Variants in ASAP2 observed in about 807,000 individuals in gnomAD.
ASAP2 encodes the protein arf-GAP with SH3 domain, ANK repeat and PH domain-containing protein 2.
Under a neutral mutation model 131.4 loss-of-function variants are expected in ASAP2, and 45 were observed. The observed-to-expected ratio is 0.34, with a 90% CI of 0.27 to 0.44. The LOEUF is 0.44. Among genes scored for constraint, ASAP2 ranks in the 20% least tolerant of loss-of-function variants. The pLI is 1.00. For synonymous variants in ASAP2, 510 were observed against 503.0 expected (o/e 1.01, Z -0.19); for missense variants, 1,011 against 1,297.0 (o/e 0.78, Z 3.39).
intron 16 of ASAP2, 92 bp from the exon 17 acceptor site, chr2:9,374,663 G>A (rs951577746): frequency 1.4e-5 from 18 of 1,261,106 alleles, no homozygotes; most frequent in African/African-American, 3.0e-5. Context: ...GGGACATGGC[G>A]CAGGAACCGT....
intron 2 of ASAP2, among the ~76,000 whole-genome samples, chr2:9,279,887 C>CATACATATTTTTTACAT (rs1349549597): frequency 6.6e-6 from 1 of 151,942 alleles, no homozygotes; most frequent in African/African-American, 2.4e-5. Flanking sequence ...TATATTTACA[C>CATACATATTTTTTACAT]ATATATATTT....
chr2:9,362,109 T>C (rs573339110), intron 15 of ASAP2, among the ~76,000 whole-genome samples: 19 of 152,238 alleles, frequency 1.2e-4, no homozygotes, highest in African/African-American at 4.3e-4. Context: ...ATGGTCCCCA[T>C]GTGCTAGCAT....
At chr2:9,255,232 T>G (rs974549687) in intron 1 of ASAP2, among the ~76,000 whole-genome samples, 1 of 152,226 alleles carries the variant, frequency 6.6e-6, no homozygotes, top group African/African-American at 2.4e-5. Context: ...ACCATGTAAG[T>G]TGGTTCTCAG....
intron 1 of ASAP2, among the ~76,000 whole-genome samples, chr2:9,272,015 A>G (rs898063499): frequency 6.6e-6 from 1 of 152,128 alleles, no homozygotes; most frequent in African/African-American, 2.4e-5. Context: ...TGCTGCAGTA[A>G]ACACGGGAGA....
chr2:9,251,560 C>T (rs966955890), intron 1 of ASAP2, among the ~76,000 whole-genome samples: 6 of 152,188 alleles, frequency 3.9e-5, no homozygotes, highest in African/African-American at 9.7e-5. Context: ...TTTACTAAAA[C>T]GCATTACCTC....
At chr2:9,377,300 G>A (rs952250758) in intron 18 of ASAP2, among the ~76,000 whole-genome samples, 9 of 152,184 alleles carry the variant, frequency 5.9e-5, no homozygotes, top group South Asian at 2.1e-4. Context: ...CACAGGGGCC[G>A]TCCTCGCCTC....
intron 17 of ASAP2, among the ~76,000 whole-genome samples, chr2:9,376,435 A>C (rs1404331229): frequency 6.6e-6 from 1 of 152,266 alleles, no homozygotes; most frequent in Non-Finnish European, 1.5e-5. Context: ...TGAGTTGGAG[A>C]CAGTGCAGTT....
At chr2:9,307,805 A>G (rs1669042822) in intron 3 of ASAP2, among the ~76,000 whole-genome samples, 1 of 152,154 alleles carries the variant, frequency 6.6e-6, no homozygotes, top group South Asian at 2.1e-4. Flanking sequence ...AGTTTGTGTT[A>G]AACACTTAGG....
At chr2:9,356,420 T>C (rs1572535054) in intron 14 of ASAP2, 75 bp downstream of exon 14, 6 of 1,441,274 alleles carry the variant, frequency 4.2e-6, no homozygotes, top group Middle Eastern at 1.9e-4. Context: ...ATCCGTTCAT[T>C]GATTTTCACT....
In ASAP2 at chr2:9,356,248, T is replaced by A. The variant is rs1322434836; in HGVS notation, c.1230T>A (p.Thr410=). 6.2e-7 allele frequency: 1 copy of A among 1,614,086 alleles called. No individual in the cohort carries two copies. Among genetic ancestry groups the A allele is most frequent in the Non-Finnish European group, 8.5e-7 (1 of 1,179,998 alleles). Residue 410 remains threonine, a synonymous_variant, in exon 14 of 28, where the codon ACT becomes ACA. Transcript: ENST00000281419. ...LNNAFKGDDN[T]GENNIVQELT... ...ATGCATTTAAGGGGGATGACAATAC[T>A]GGAGAAAATAACATCGTCCAAGAAC...
At chr2:9,250,457 GC>G (rs544431032) in intron 1 of ASAP2, among the ~76,000 whole-genome samples, 21 of 152,280 alleles carry the variant, frequency 1.4e-4, no homozygotes, top group Non-Finnish European at 2.6e-4. Context: ...CAGACATGTG[GC>G]CCTTGGGTGG....
At chr2:9,246,803 A>G (rs1225890989) in intron 1 of ASAP2, among the ~76,000 whole-genome samples, 2 of 151,988 alleles carry the variant, frequency 1.3e-5, no homozygotes, top group Admixed American at 6.6e-5. Context: ...CCTGGCTTCT[A>G]CACAAGCCTG....
intron 15 of ASAP2, 63 bp downstream of exon 15, chr2:9,358,952 T>G: frequency 6.5e-7 from 1 of 1,545,416 alleles, no homozygotes; most frequent in Non-Finnish European, 8.8e-7. Flanking sequence ...ATTTTACTTT[T>G]GGCATTCTAA....
chr2:9,400,067 G>A lies in ASAP2; in HGVS notation c.2729G>A (p.Gly910Glu). The part of the protein sequence containing the change: ...TPLTNKGQPR[G>E]PVDLSATEAL... Reference sequence around the variant, plus strand: ...CTGACCAACAAAGGCCAACCGAGAGGACCTGGTAATTATTTAATTTGGGAC... The same window carrying A: ...CTGACCAACAAAGGCCAACCGAGAGAACCTGGTAATTATTTAATTTGGGAC... The change falls in exon 25 of 28, where the codon GGA becomes GAA. Residue 910 changes from glycine (G) to glutamate (E), a missense_variant. Gly to Glu is a moderately conservative substitution (Grantham distance 98). This residue lies in a region of ASAP2 where 652 missense variants were observed against 698.9 expected (regional missense o/e 0.93). Coordinates refer to ENST00000281419, the MANE Select transcript of ASAP2 (RefSeq NM_003887.3). The A allele has an allele frequency of 6.2e-7, 1 of 1,613,268 alleles. No homozygotes were observed. Among genetic ancestry groups the A allele is most frequent in the Non-Finnish European group, 8.5e-7 (1 of 1,179,658 alleles).
chr2:9,307,333 G>C (rs1190893468), intron 3 of ASAP2, among the ~76,000 whole-genome samples: 5 of 152,228 alleles, frequency 3.3e-5, no homozygotes, highest in African/African-American at 1.2e-4. Flanking sequence ...CAGTGCTTCC[G>C]ACTCTCACCC....
chr2:9,374,460 G>A (rs1674228464), intron 16 of ASAP2, among the ~76,000 whole-genome samples: 1 of 152,204 alleles, frequency 6.6e-6, no homozygotes, highest in South Asian at 2.1e-4. Context: ...GGTGACGAGG[G>A]CGACAGTGAG....
At chr2:9,225,626 G>A (rs568574459) in intron 1 of ASAP2, among the ~76,000 whole-genome samples, 55 of 152,226 alleles carry the variant, frequency 3.6e-4, no homozygotes, top group South Asian at 1.9e-3. Flanking sequence ...GGGCTTTTGC[G>A]TAGGGGAGTG....
chr2:9,279,356 A>T lies in ASAP2; in HGVS notation c.166A>T (p.Lys56Ter), dbSNP rs1398628866. Residue 56 changes from lysine (K) to a stop codon, truncating the protein, a stop_gained, in exon 2 of 28, where the codon AAA becomes TAA. Transcript: ENST00000281419. LOFTEE classifies it high-confidence loss of function. ...CCGGATGGTTCTTTACAAAATGAAG[A>T]AATCCGTGAAAGCAATCAACAGCTC... The part of the protein sequence containing the change: ...VDRMVLYKMK[K>*]SVKAINSSGL... 6.2e-7 allele frequency: 1 copy of T among 1,614,178 alleles called. No individual in the cohort carries two copies. The highest frequency in any genetic ancestry group is 8.5e-7 in the Non-Finnish European group (1 of 1,180,028).
intron 7 of ASAP2, among the ~76,000 whole-genome samples, chr2:9,331,909 C>T (rs141376199): frequency 4.6e-5 from 7 of 152,208 alleles, no homozygotes; most frequent in Middle Eastern, 3.4e-3. Flanking sequence ...GGCTCAGCCC[C>T]GGATGCTGCA....
Sources: allele counts gnomAD v4.1 joint callset (sites outside exome capture counted in the v4.1 genomes callset), GRCh38; gene constraint gnomAD v4.1.1; regional missense constraint gnomAD v4.1.1; transcripts MANE v1.5; gene names NCBI Gene and HGNC (gene_info 2026-07-23, HGNC 2026-07-21).